Variants in RAP1GAP2 observed in about 807,000 individuals in gnomAD.
RAP1GAP2 encodes rap1 GTPase-activating protein 2.
RAP1GAP2 carries 27 observed loss-of-function variants against 95.0 expected under a neutral mutation model. The ratio of observed to expected loss-of-function variants is 0.28; its 90% CI spans 0.21 to 0.39. The LOEUF is 0.39. RAP1GAP2 is among the 10% of genes least tolerant of loss of function. RAP1GAP2 has a pLI of 1.00. For synonymous variants in RAP1GAP2, 373 were observed against 380.9 expected, an observed-to-expected ratio of 0.98 and a Z score of 0.24; for missense variants, 771 against 970.0, an observed-to-expected ratio of 0.79 and a Z score of 2.72.
intron 2 of RAP1GAP2, among the ~76,000 whole-genome samples, chr17:2,810,467 C>T (rs1190324348): frequency 2.7e-5 from 4 of 148,164 alleles, no homozygotes; most frequent in Admixed American, 1.4e-4. Flanking sequence ...CCCATTAACT[C>T]GTCATTTAAC....
chr17:2,901,471 G>T (rs1012126442), intron 2 of RAP1GAP2, among the ~76,000 whole-genome samples: 31 of 152,156 alleles, frequency 2.0e-4, no homozygotes, highest in Non-Finnish European at 3.7e-4. Context: ...CGCGTCGTTA[G>T]AGTTGCATGC....
chr17:2,876,436 T>C (rs9906212), intron 2 of RAP1GAP2, among the ~76,000 whole-genome samples: 2,128 of 152,222 alleles, frequency 0.014, 51 homozygotes, highest in African/African-American at 0.048. Flanking sequence ...ATTGGTTTGG[T>C]CTGGAAGGTT....
intron 17 of RAP1GAP2, among the ~76,000 whole-genome samples, chr17:3,009,603 C>G (rs1393390998): frequency 1.3e-5 from 2 of 152,196 alleles, no homozygotes; most frequent in African/African-American, 4.8e-5. Flanking sequence ...GTCAGTCCCC[C>G]ACTGCCCGGC....
chr17:2,935,504 TCA>T (rs376852482), intron 3 of RAP1GAP2, among the ~76,000 whole-genome samples: 5 of 150,418 alleles, frequency 3.3e-5, no homozygotes, highest in East Asian at 1.9e-4. Context: ...TGAAACTCTG[TCA>T]CACACACACA....
chr17:2,927,416 G>C (rs143651946), intron 3 of RAP1GAP2, among the ~76,000 whole-genome samples: 1 of 151,762 alleles, frequency 6.6e-6, no homozygotes, highest in African/African-American at 2.4e-5. Context: ...GCCTCCCAAA[G>C]TGCTGGGATT....
rs187441654 is a variant in RAP1GAP2 at position 2,810,722 on chromosome 17, G to A, written c.80+10172G>A. On this transcript the variant is annotated intron_variant, in intron 2 of 24. Transcript: ENST00000254695. ...ATTTTTGTATTTTTAGTAGAGATGG[G>A]GTTTCACCACGTTGGTCAGGCTGGT... Among the ~76,000 whole-genome samples, 525 of 151,926 alleles carry A rather than the reference G, an allele frequency of 3.5e-3. 9 individuals carry two copies. The highest frequency in any genetic ancestry group is 3.2e-3 in the Non-Finnish European group (219 of 67,954).
chr17:2,989,474 A>T (rs1018793307), intron 11 of RAP1GAP2, among the ~76,000 whole-genome samples: 1 of 152,010 alleles, frequency 6.6e-6, no homozygotes, highest in African/African-American at 2.4e-5. Context: ...CTGGGACTAC[A>T]GGCACGTGCC....
intron 14 of RAP1GAP2, among the ~76,000 whole-genome samples, chr17:3,002,227 C>A (rs1401571674): frequency 6.6e-6 from 1 of 152,194 alleles, no homozygotes; most frequent in Non-Finnish European, 1.5e-5. Flanking sequence ...TCCCAAAGTG[C>A]TGGCATTACA....
At chr17:2,930,192 G>C (rs2043096861) in intron 3 of RAP1GAP2, among the ~76,000 whole-genome samples, 1 of 152,250 alleles carries the variant, frequency 6.6e-6, no homozygotes, top group East Asian at 1.9e-4. Context: ...ACTGGGAGCG[G>C]GATTGTCCCA....
intron 23 of RAP1GAP2, among the ~76,000 whole-genome samples, chr17:3,032,086 TCGAGAGC>T (rs1464208850): frequency 1.4e-5 from 2 of 141,138 alleles, no homozygotes; most frequent in East Asian, 2.4e-4. Flanking sequence ...CTTCAGACTA[TCGAGAGC>T]TCCAGGTCCA....
intron 11 of RAP1GAP2, among the ~76,000 whole-genome samples, chr17:2,988,138 A>T (rs937412797): frequency 3.9e-5 from 6 of 151,982 alleles, no homozygotes; most frequent in African/African-American, 1.5e-4. Flanking sequence ...TGAACCTGGG[A>T]TGCAGAGGTT....
chr17:2,927,531 A>G (rs1167760482), intron 3 of RAP1GAP2, among the ~76,000 whole-genome samples: 1 of 152,090 alleles, frequency 6.6e-6, no homozygotes, highest in African/African-American at 2.4e-5. Context: ...TCTTTTGATC[A>G]CACTGGGTGG....
intron 3 of RAP1GAP2, among the ~76,000 whole-genome samples, chr17:2,933,862 C>T (rs1037162100): frequency 1.3e-4 from 20 of 152,262 alleles, no homozygotes; most frequent in African/African-American, 4.3e-4. Flanking sequence ...ACCAGGAGCT[C>T]GGCCAGCTGA....
chr17:2,890,343 T>C (rs1250987318), intron 2 of RAP1GAP2, among the ~76,000 whole-genome samples: 3 of 152,224 alleles, frequency 2.0e-5, no homozygotes, highest in Admixed American at 6.5e-5. Context: ...TTGAAACTGT[T>C]ATTTAGTTTG....
At chr17:2,910,783 T>C (rs1440425763) in intron 3 of RAP1GAP2, among the ~76,000 whole-genome samples, 1 of 152,202 alleles carries the variant, frequency 6.6e-6, no homozygotes, top group Non-Finnish European at 1.5e-5. Flanking sequence ...TGAAATGTAA[T>C]GGCGCGATCT....
Position 2,995,228 on chromosome 17 carries a change from CTCCTCTGCTGCGTA to C in RAP1GAP2, c.915-93_915-80del, listed in dbSNP as rs948373351. ...CCTGCTCTGCCCTCAGCTCTCCTGT[CTCCTCTGCTGCGTA>C]TCCTCTGCTGCGTATACTTAGGGGA... On this transcript the variant is annotated intron_variant, in intron 12 of 24. Transcript: ENST00000254695. 219 of 1,365,736 alleles carry C rather than the reference CTCCTCTGCTGCGTA, an allele frequency of 1.6e-4. 5 individuals carry two copies. The South Asian group carries it at 1.9e-3, about 12-fold the overall frequency. The allele number at this position is 1,365,736 out of a possible 1,614,324, so 84.6% of individuals were successfully genotyped here.
rs1330338340 is a variant in RAP1GAP2, at chr17:3,026,935, T to A, written c.1981-9T>A. 2 of 1,549,842 alleles carry A rather than the reference T, an allele frequency of 1.3e-6. No homozygotes were observed. Among genetic ancestry groups the A allele is most frequent in the East Asian group, 2.4e-5 (1 of 40,836 alleles). Reference sequence around the variant, plus strand: ...GGGCTGGCCTCGCTCACCCTGCCTCTCTCCTCAGGGCAGCCAGCCGTCCAC... The same window carrying A: ...GGGCTGGCCTCGCTCACCCTGCCTCACTCCTCAGGGCAGCCAGCCGTCCAC... On this transcript the variant is annotated splice_polypyrimidine_tract_variant and intron_variant, in intron 21 of 24. Transcript: ENST00000254695.
In RAP1GAP2 at chr17:2,870,755, G is replaced by C. The variant is rs567808207; in HGVS notation, c.81-34529G>C. On this transcript the variant is annotated intron_variant, in intron 2 of 24. Coordinates refer to ENST00000254695, the MANE Select transcript of RAP1GAP2 (RefSeq NM_015085.5). This position sits in a 1 kb window ranked among gnomAD's most constrained non-coding sequence, Gnocchi z 4.4. ...CTTGAATTAGCCAAACAAAATAAGG[G>C]GGTTTATTGGCTGGGGTAACCCATC... Among the ~76,000 whole-genome samples the C allele has an allele frequency of 6.6e-6, 1 of 152,234 alleles. No individual in the cohort carries two copies. Among genetic ancestry groups the C allele is most frequent in the African/African-American group, 2.4e-5 (1 of 41,534 alleles).
intron 2 of RAP1GAP2, among the ~76,000 whole-genome samples, chr17:2,895,874 G>A (rs867075080): frequency 4.6e-5 from 7 of 152,098 alleles, no homozygotes; most frequent in East Asian, 1.9e-4. Context: ...CACCGCGCCC[G>A]GCCTGCCCTC....
Sources: allele counts gnomAD v4.1 joint callset (sites outside exome capture counted in the v4.1 genomes callset), GRCh38; gene constraint gnomAD v4.1.1; non-coding constraint Gnocchi (gnomAD v3.1); transcripts MANE v1.5; gene names NCBI Gene and HGNC (gene_info 2026-07-23, HGNC 2026-07-21).